ISM2: variants seen among roughly 807,000 people sequenced by gnomAD.
The protein encoded by ISM2 is isthmin-2.
Under a neutral mutation model 58.0 loss-of-function variants are expected in ISM2, and 50 were observed. The observed-to-expected ratio is 0.86, with a 90% CI of 0.69 to 1.09. ISM2 has a LOEUF of 1.09. ISM2 is among the 50% of genes least tolerant of loss of function. The pLI is 0.00. For synonymous variants in ISM2, 303 were observed against 312.4 expected (o/e 0.97, Z 0.32); for missense variants, 723 against 745.0 (o/e 0.97, Z 0.34).
chr14:77,478,269 G>A lies in ISM2; in HGVS notation c.1171C>T (p.Arg391Cys), dbSNP rs150447939. 4.0e-5 allele frequency: 64 copies of A among 1,613,950 alleles called. 1 individual carries two copies. The highest frequency in any genetic ancestry group is 3.3e-4 in the Middle Eastern group (2 of 6,084). ...LPSEEWKLLA[R>C]NATDMHDQDV... ...TGATCATGCATGTCCGTAGCATTGCGGGCCAGGAGCTTCCACTCCTCACTG... is the reference window on the plus strand; with the variant it reads ...TGATCATGCATGTCCGTAGCATTGCAGGCCAGGAGCTTCCACTCCTCACTG... Residue 391 changes from arginine to cysteine, a missense_variant, in exon 6 of 7, where the codon CGC becomes TGC. Arg to Cys is a radical substitution (Grantham distance 180, BLOSUM62 -3). Coordinates refer to ENST00000342219, the MANE Select transcript of ISM2 (RefSeq NM_199296.3).
rs185001125 is a variant in ISM2 at position 77,476,776 on chromosome 14, G to A, written c.1199-664C>T. ...AAATAGAAGAGCTGGGGGGCCAGGC[G>A]CGATGGCTCACGCCTGTAATCTCAG... On this transcript the variant is annotated intron_variant, in intron 6 of 6. Transcript: ENST00000342219. 8.2e-3 allele frequency among the ~76,000 whole-genome samples: 1,254 copies of A among 152,314 alleles called. 16 individuals carry two copies. The highest frequency in any genetic ancestry group is 0.029 in the African/African-American group (1,195 of 41,566).
rs1166282040 is a variant in ISM2 at position 77,498,795 on chromosome 14, G to T, written c.-2C>A. On this transcript the variant is annotated 5_prime_UTR_variant, in exon 1 of 7. Coordinates refer to ENST00000342219, the MANE Select transcript of ISM2 (RefSeq NM_199296.3). Reference sequence around the variant, plus strand: ...GGCTCGGTCGCGGAGCGCACGCATCGTCTCGGTTCCGAGGCTGCTCTGCCT... The same window carrying T: ...GGCTCGGTCGCGGAGCGCACGCATCTTCTCGGTTCCGAGGCTGCTCTGCCT... The T allele has an allele frequency of 2.1e-6, 3 of 1,431,598 alleles. No individual in the cohort carries two copies. Among genetic ancestry groups the T allele is most frequent in the South Asian group, 1.4e-5 (1 of 70,384 alleles). 88.7% of individuals were successfully genotyped at this position (1,431,598 alleles called of 1,614,324 possible).
At position 77,475,640 on chromosome 14, in the gene ISM2, C is replaced by A; in HGVS notation, c.1671G>T (p.Leu557=). Residue 557 remains leucine (L), a synonymous_variant, in exon 7 of 7, where the codon CTG becomes CTT. Coordinates refer to ENST00000342219, the MANE Select transcript of ISM2 (RefSeq NM_199296.3). The surrounding 1 kb of genome is among the most constrained non-coding windows in gnomAD (Gnocchi z 4.1). The part of the protein sequence containing the change: ...NNGRACTDNP[L]EEEYLAQLQE... Reference sequence around the variant, plus strand: ...GCAACTGTGCTAGGTACTCCTCCTCCAGGGGGTTGTCGGTGCAGGCTCGGC... The same window carrying A: ...GCAACTGTGCTAGGTACTCCTCCTCAAGGGGGTTGTCGGTGCAGGCTCGGC... 1 of 1,610,552 alleles carries A rather than the reference C, an allele frequency of 6.2e-7. No homozygotes were observed. Among genetic ancestry groups the A allele is most frequent in the Non-Finnish European group, 8.5e-7 (1 of 1,178,036 alleles).
Position 77,482,397 on chromosome 14 carries a change from T to A in ISM2, c.898A>T (p.Asn300Tyr). 6.2e-7 allele frequency: 1 copy of A among 1,614,168 alleles called. No homozygotes were observed. The highest frequency in any genetic ancestry group is 1.1e-5 in the South Asian group (1 of 91,082). ...TGGTCCCAGTTGTCTGTAGTTCCATTGAACCAGAGCGCCTGCTCTTCCTCA... is the reference window on the plus strand; with the variant it reads ...TGGTCCCAGTTGTCTGTAGTTCCATAGAACCAGAGCGCCTGCTCTTCCTCA... ...EDEEEQALWF[N>Y]GTTDNWDQGW... Residue 300 changes from asparagine (N) to tyrosine (Y), a missense_variant, in exon 4 of 7, where the codon AAT (asparagine) becomes TAT (tyrosine). Coordinates refer to ENST00000342219, the MANE Select transcript of ISM2 (RefSeq NM_199296.3).
intron 1 of ISM2, among the ~76,000 whole-genome samples, chr14:77,492,191 C>G (rs1373945631): frequency 6.6e-6 from 1 of 152,078 alleles, no homozygotes; most frequent in African/African-American, 2.4e-5. Flanking sequence ...CCCCTCAACC[C>G]CTTTGTGGCA....
intron 1 of ISM2, among the ~76,000 whole-genome samples, chr14:77,487,977 G>A (rs556741217): frequency 1.3e-5 from 2 of 152,170 alleles, no homozygotes; most frequent in Non-Finnish European, 2.9e-5. Context: ...CTTCAAGTGA[G>A]CCACGTACAT....
chr14:77,485,642 C>T, intron 1 of ISM2, among the ~76,000 whole-genome samples: 1 of 152,264 alleles, frequency 6.6e-6, no homozygotes. Context: ...CAGTGGGGCA[C>T]TAGGGGCTCA....
intron 1 of ISM2, among the ~76,000 whole-genome samples, chr14:77,497,433 C>G (rs2079250639): frequency 6.8e-6 from 1 of 147,996 alleles, no homozygotes; most frequent in Non-Finnish European, 1.5e-5. Flanking sequence ...GCCTGTAATA[C>G]TGGCACTATG....
intron 1 of ISM2, among the ~76,000 whole-genome samples, chr14:77,487,150 CAGG>C (rs1376526913): frequency 1.3e-5 from 2 of 151,768 alleles, no homozygotes; most frequent in East Asian, 3.9e-4. Context: ...GAGGCTGAGG[CAGG>C]AGAATCGCTT....
intron 1 of ISM2, among the ~76,000 whole-genome samples, chr14:77,490,079 G>A (rs2079193152): frequency 1.3e-5 from 2 of 152,190 alleles, no homozygotes; most frequent in Admixed American, 6.5e-5. Context: ...TAGCCAGGAT[G>A]GTCTCAATCT....
chr14:77,493,495 T>C (rs2079219485), intron 1 of ISM2, among the ~76,000 whole-genome samples: 1 of 152,176 alleles, frequency 6.6e-6, no homozygotes, highest in African/African-American at 2.4e-5. Flanking sequence ...GGAGTCTTGC[T>C]CTGTCACCCA....
chr14:77,497,766 G>T (rs1464839154), intron 1 of ISM2, among the ~76,000 whole-genome samples: 1 of 95,362 alleles, frequency 1.0e-5, no homozygotes, highest in Non-Finnish European at 2.1e-5. Context: ...AGGGAGGGAG[G>T]GAGGGAAGGA....
intron 1 of ISM2, among the ~76,000 whole-genome samples, chr14:77,496,302 A>AGTAG (rs1226807237): frequency 5.3e-5 from 8 of 150,126 alleles, no homozygotes; most frequent in African/African-American, 2.0e-4. Context: ...CAGCCTGACC[A>AGTAG]ACATGCAGAA....
At chr14:77,477,477 G>C (rs565171102) in intron 6 of ISM2, among the ~76,000 whole-genome samples, 1 of 152,224 alleles carries the variant, frequency 6.6e-6, no homozygotes, top group East Asian at 1.9e-4. Flanking sequence ...ACAGGAGAGG[G>C]GAAGAGACAC....
rs950218728 is a variant in ISM2 at position 77,478,583 on chromosome 14, G to A, written c.1106C>T (p.Ser369Phe). The change falls in exon 5 of 7, where the codon TCC (serine) becomes TTC (phenylalanine). Residue 369 changes from serine to phenylalanine, a missense_variant. Transcript: ENST00000342219. ...ATETRTCDLP[S>F]CPGTEDKDTL... is the part of the protein sequence containing the mutation. ...GTAGGGGCTCATCTCACCAGGACAG[G>A]AGGGCAGGTCACAGGTACGGGTCTC... The A allele has an allele frequency of 1.7e-5, 27 of 1,612,902 alleles. No individual in the cohort carries two copies. The highest frequency in any genetic ancestry group is 2.0e-5 in the Non-Finnish European group (24 of 1,179,298).
intron 1 of ISM2, 184 bp downstream of exon 1, chr14:77,498,469 C>G (rs2079262133): frequency 8.5e-7 from 1 of 1,173,666 alleles, no homozygotes; most frequent in African/African-American, 1.6e-5. Flanking sequence ...GTGGAAGCCC[C>G]GAAGTCCGGC....
intron 1 of ISM2, 80 bp from the exon 2 acceptor site, chr14:77,484,999 C>T: frequency 6.9e-7 from 1 of 1,457,046 alleles, no homozygotes; most frequent in Non-Finnish European, 9.2e-7. Context: ...CCAGGCAGAT[C>T]CAGGAGCCCT....
At chr14:77,498,579 G>A (rs1003928124) in intron 1 of ISM2, 74 bp downstream of exon 1, 12 of 1,388,990 alleles carry the variant, frequency 8.6e-6, no homozygotes, top group South Asian at 4.6e-5. Flanking sequence ...CCCGCTCCCC[G>A]CACGGCTGGA....
chr14:77,483,235 A>C (rs1294996161), intron 3 of ISM2, among the ~76,000 whole-genome samples: 2 of 152,232 alleles, frequency 1.3e-5, no homozygotes, highest in African/African-American at 4.8e-5. Context: ...TTTGGAAAAA[A>C]ACAGCAAACT....
Sources: gnomAD v4.1 joint callset for allele counts (sites outside exome capture counted in the v4.1 genomes callset) on GRCh38, gnomAD v4.1.1 for gene constraint, Gnocchi (gnomAD v3.1) non-coding constraint, MANE v1.5 for transcripts, NCBI Gene and HGNC (gene_info 2026-07-23, HGNC 2026-07-21) for gene names.